Variants in AKAP10 observed in about 807,000 individuals in gnomAD.
AKAP10 encodes the protein A-kinase anchor protein 10, mitochondrial.
A neutral mutation model predicts 80.8 loss-of-function variants in AKAP10; 24 were observed. That is an observed-to-expected ratio of 0.30 (90% CI 0.22 to 0.42). The LOEUF (loss-of-function observed/expected upper bound fraction) is 0.42, where lower values mean the gene tolerates loss of function less well. AKAP10 is among the 10% of genes least tolerant of loss of function. The pLI is 1.00. For missense variants in AKAP10, 661 were observed against 794.9 expected, an observed-to-expected ratio of 0.83 and a Z score of 2.03; for synonymous variants, 291 against 277.7, an observed-to-expected ratio of 1.05 and a Z score of -0.48.
intron 11 of AKAP10, among the ~76,000 whole-genome samples, chr17:19,923,522 C>T (rs575156029): frequency 6.6e-6 from 1 of 152,030 alleles, no homozygotes; most frequent in East Asian, 1.9e-4. Flanking sequence ...CTCCCAATAC[C>T]ACTGTTACTT....
intron 1 of AKAP10, among the ~76,000 whole-genome samples, chr17:19,971,641 CTTAA>C (rs748412827): frequency 5.7e-4 from 87 of 152,252 alleles, no homozygotes; most frequent in African/African-American, 7.9e-4. Flanking sequence ...ATTTTAGCTA[CTTAA>C]TTGTTTTATA....
intron 3 of AKAP10, among the ~76,000 whole-genome samples, chr17:19,962,627 T>C (rs1228015525): frequency 6.6e-6 from 1 of 152,234 alleles, no homozygotes; most frequent in African/African-American, 2.4e-5. Context: ...GATATATTTC[T>C]TCTGGAAATG....
chr17:19,917,294 A>C (rs560934181), intron 12 of AKAP10, among the ~76,000 whole-genome samples: 26 of 152,106 alleles, frequency 1.7e-4, no homozygotes, highest in African/African-American at 5.3e-4. Flanking sequence ...AACAAACAAA[A>C]AAAAACAGCT....
chr17:19,935,182 A>G (rs2152413568), intron 9 of AKAP10, among the ~76,000 whole-genome samples: 1 of 152,334 alleles, frequency 6.6e-6, no homozygotes, highest in South Asian at 2.1e-4. Flanking sequence ...ATCACATGTT[A>G]CTATAATGAA....
At position 19,940,897 on chromosome 17, in the gene AKAP10, T is replaced by C; in HGVS notation, c.1175A>G (p.Tyr392Cys). The C allele has an allele frequency of 6.3e-7, 1 of 1,599,840 alleles. No individual in the cohort carries two copies. Among genetic ancestry groups the C allele is most frequent in the Non-Finnish European group, 8.5e-7 (1 of 1,176,126 alleles). ...AAATGCAGACTTTACCTCAGAGAAA[T>C]AAAAGAGGGCTGACTCACAGAAGAG... The part of the protein sequence containing the change: ...DILFCESALF[Y>C]FSEYMEKEDA... The change falls in exon 7 of 15, where the codon TAT becomes TGT. Residue 392 changes from tyrosine to cysteine, a missense_variant. Tyr to Cys is a radical substitution (Grantham distance 194). Transcript: ENST00000225737.
chr17:19,962,293 T>TACAC (rs539281238), intron 3 of AKAP10, among the ~76,000 whole-genome samples: 2 of 132,068 alleles, frequency 1.5e-5, no homozygotes, highest in Admixed American at 7.7e-5. Flanking sequence ...CATACATACA[T>TACAC]ATACACACAC....
At chr17:19,928,487 G>A (rs964198079) in intron 10 of AKAP10, among the ~76,000 whole-genome samples, 8 of 152,194 alleles carry the variant, frequency 5.3e-5, no homozygotes, top group Admixed American at 2.0e-4. Flanking sequence ...GCAAAATGGT[G>A]CAGCCTTTTC....
In AKAP10 at chr17:19,977,657, G is replaced by A. The variant is rs548401593; in HGVS notation, c.23C>T (p.Pro8Leu). The change falls in exon 1 of 15, where the codon CCG becomes CTG. Residue 8 changes from proline to leucine, a missense_variant. Physicochemically the swap from Pro to Leu is moderately conservative, Grantham distance 98. Transcript: ENST00000225737. MRGAGPS[P>L]RQSPRTLRPD... ...ACGGAGGGTGCGGGGGGACTGGCGC[G>A]GGGAGGGCCCGGCTCCCCTCATTCA... 2 of 1,235,294 alleles carry A rather than the reference G, an allele frequency of 1.6e-6. No individual in the cohort carries two copies. Among genetic ancestry groups the A allele is most frequent in the Admixed American group, 4.2e-5 (1 of 23,716 alleles). 76.5% of individuals were successfully genotyped at this position (1,235,294 alleles called of 1,614,324 possible).
At chr17:19,911,342 T>C (rs767042870) in intron 12 of AKAP10, among the ~76,000 whole-genome samples, 3 of 152,196 alleles carry the variant, frequency 2.0e-5, no homozygotes, top group Non-Finnish European at 4.4e-5. Context: ...AAATTTCACC[T>C]TAGAATTCAA....
intron 4 of AKAP10, 21 bp downstream of exon 4, chr17:19,957,993 A>G: frequency 6.3e-7 from 1 of 1,590,382 alleles, no homozygotes; most frequent in South Asian, 1.1e-5. Context: ...ATATGTACAC[A>G]CAAGAAAATC....
At chr17:19,930,479 A>G (rs991448904) in intron 10 of AKAP10, among the ~76,000 whole-genome samples, 3 of 152,116 alleles carry the variant, frequency 2.0e-5, no homozygotes, top group Non-Finnish European at 4.4e-5. Flanking sequence ...AACGAAATCA[A>G]AAGGCCTTGA....
intron 11 of AKAP10, among the ~76,000 whole-genome samples, chr17:19,922,386 T>A (rs541621728): frequency 6.6e-6 from 1 of 152,126 alleles, no homozygotes; most frequent in African/African-American, 2.4e-5. Context: ...GATGCTAAAA[T>A]CATAAAACTA....
intron 4 of AKAP10, among the ~76,000 whole-genome samples, chr17:19,949,779 GAGA>G (rs1308238302): frequency 3.4e-5 from 3 of 88,066 alleles, no homozygotes; most frequent in Middle Eastern, 5.9e-3. Flanking sequence ...AAAAAAAAAA[GAGA>G]AAAAAAAAAA....
intron 7 of AKAP10, among the ~76,000 whole-genome samples, chr17:19,940,060 C>T (rs2043036422): frequency 6.6e-6 from 1 of 152,084 alleles, no homozygotes; most frequent in Non-Finnish European, 1.5e-5. Flanking sequence ...TAACAAGAAA[C>T]AAACACTACC....
intron 3 of AKAP10, 124 bp downstream of exon 3, chr17:19,962,716 T>C (rs2043367998): frequency 1.0e-6 from 1 of 998,604 alleles, no homozygotes; most frequent in Admixed American, 2.5e-5. Flanking sequence ...TTGTAGCTGT[T>C]ATTTTAAATA....
rs1021998940 is a variant in AKAP10 at position 19,905,151 on chromosome 17, G to A, written c.*1076C>T. 7 of 151,870 alleles carry A rather than the reference G, an allele frequency of 4.6e-5. No individual in the cohort carries two copies. Among genetic ancestry groups the A allele is most frequent in the Non-Finnish European group, 7.4e-5 (5 of 68,008 alleles). 9.4% of individuals were successfully genotyped at this position (151,870 alleles called of 1,614,324 possible). A position where few individuals can be genotyped will look rare whatever the true frequency, so the allele number is the denominator to read the frequency against. ...GGTCAATGGAGTGTGCTCACCAACT[G>A]GGCAGTCCTGCTGATGGCTGTGTGA... On this transcript the variant is annotated 3_prime_UTR_variant, in exon 15 of 15. Transcript: ENST00000225737.
Position 19,931,987 on chromosome 17 carries a change from G to A in AKAP10, c.1468-9C>T, listed in dbSNP as rs1420426461. On this transcript the variant is annotated splice_polypyrimidine_tract_variant and intron_variant, in intron 9 of 14. Transcript: ENST00000225737. ...AAGCCAGGCAAAAAGACCTGATAGA[G>A]ATGAAAAGCATTATTTTAAAGTTGA... 12 of 1,599,214 alleles carry A rather than the reference G, an allele frequency of 7.5e-6. No homozygotes were observed. In the African/African-American group the frequency reaches 1.2e-4, roughly 16 times the overall value.
At position 19,960,768 on chromosome 17, in the gene AKAP10, G is replaced by A. The variant is rs192102198; in HGVS notation, c.319+2072C>T. On this transcript the variant is annotated intron_variant, in intron 3 of 14. Transcript: ENST00000225737. ...CAGCCAGGGATGACGGCTCATGCCTGTAATCCCAGCACTTTGGGAGGCCGA... is the reference window on the plus strand; with the variant it reads ...CAGCCAGGGATGACGGCTCATGCCTATAATCCCAGCACTTTGGGAGGCCGA... Among the ~76,000 whole-genome samples, 201 of 152,290 alleles carry A rather than the reference G, an allele frequency of 1.3e-3. 1 individual carries two copies. The highest frequency in any genetic ancestry group is 4.3e-3 in the African/African-American group (179 of 41,568).
intron 12 of AKAP10, among the ~76,000 whole-genome samples, chr17:19,917,446 C>G (rs2042757925): frequency 6.6e-6 from 1 of 152,158 alleles, no homozygotes; most frequent in Non-Finnish European, 1.5e-5. Context: ...CACCACTGAC[C>G]TCTTCCCAGT....
Sources: gnomAD v4.1 joint callset for allele counts (sites outside exome capture counted in the v4.1 genomes callset) on GRCh38, gnomAD v4.1.1 for gene constraint, MANE v1.5 for transcripts, NCBI Gene and HGNC (gene_info 2026-07-23, HGNC 2026-07-21) for gene names.